Variants in TMF1 observed in about 807,000 individuals in gnomAD.
The protein encoded by TMF1 is TATA element modulatory factor.
A neutral mutation model predicts 126.5 loss-of-function variants in TMF1; 71 were observed. That is an observed-to-expected ratio of 0.56 (90% confidence interval 0.46 to 0.68). TMF1 has a LOEUF of 0.68. TMF1 is among the 30% of genes least tolerant of loss of function. TMF1 has a pLI of 0.00. For synonymous variants in TMF1, 461 were observed against 430.5 expected, an observed-to-expected ratio of 1.07 and a Z score of -0.88; for missense variants, 1,259 against 1,253.2, an observed-to-expected ratio of 1.00 and a Z score of -0.07.
intron 8 of TMF1, 98 bp from the exon 9 acceptor site, chr3:69,035,213 G>T: frequency 1.0e-6 from 1 of 982,226 alleles, no homozygotes; most frequent in Non-Finnish European, 1.6e-6. Context: ...CATTGTTCAT[G>T]TATACTATTT....
At chr3:69,043,239 G>A (rs749231601) in intron 4 of TMF1, among the ~76,000 whole-genome samples, 1 of 151,932 alleles carries the variant, frequency 6.6e-6, no homozygotes, top group African/African-American at 2.4e-5. Context: ...GTACAATGAC[G>A]ACTCACCACA....
rs1201669480 is a variant in TMF1 at position 69,051,973 on chromosome 3, C to G, written c.114G>C (p.Trp38Cys). Reference protein sequence around the residue: ...LDIQEEEPSIWAETIPYGEPG... With the variant: ...LDIQEEEPSICAETIPYGEPG... ...GCTCTCCATACGGAATGGTCTCGGCCCAGATGCTCGGCTCCTCTTCCTGGA... is the reference window on the plus strand; with the variant it reads ...GCTCTCCATACGGAATGGTCTCGGCGCAGATGCTCGGCTCCTCTTCCTGGA... The change falls in exon 1 of 17, where the codon TGG becomes TGC. Residue 38 changes from tryptophan to cysteine, a missense_variant. Transcript: ENST00000398559. 1 of 1,613,982 alleles carries G rather than the reference C, an allele frequency of 6.2e-7. No homozygotes were observed. Among genetic ancestry groups the G allele is most frequent in the Admixed American group, 1.7e-5 (1 of 60,008 alleles).
chr3:69,027,180 G>A (rs1033103538), intron 13 of TMF1, among the ~76,000 whole-genome samples: 8 of 152,030 alleles, frequency 5.3e-5, no homozygotes, highest in Non-Finnish European at 1.0e-4. Context: ...ATTTTTAGTA[G>A]AGATGGGGTT....
In TMF1 at chr3:69,048,395, T is replaced by A; in HGVS notation, c.310A>T (p.Thr104Ser). The A allele has an allele frequency of 6.2e-7, 1 of 1,614,146 alleles. No individual in the cohort carries two copies. The highest frequency in any genetic ancestry group is 1.7e-5 in the Admixed American group (1 of 60,012). The change falls in exon 2 of 17, where the codon ACT becomes TCT. Residue 104 changes from threonine (T) to serine (S), a missense_variant. Physicochemically the swap from Thr to Ser is moderately conservative, Grantham distance 58 (BLOSUM62 1). Coordinates refer to ENST00000398559, the MANE Select transcript of TMF1 (RefSeq NM_007114.3). ...CTCTTCTGAATGGTCTGGACATCAG[T>A]TGGCGAGAGAAAGGCACTGAAGAAA... ...ENFFSAFLSP[T>S]DVQTIQKSPV... is the part of the protein sequence containing the mutation.
At chr3:69,027,278 G>A (rs1446093562) in intron 13 of TMF1, among the ~76,000 whole-genome samples, 2 of 152,082 alleles carry the variant, frequency 1.3e-5, no homozygotes, top group African/African-American at 4.8e-5. Context: ...TTACAGATGT[G>A]AGTCCCCATG....
In TMF1 at chr3:69,048,060, C is replaced by A; in HGVS notation, c.645G>T (p.Thr215=). 1.9e-6 allele frequency: 3 copies of A among 1,614,042 alleles called. No individual in the cohort carries two copies. Among genetic ancestry groups the A allele is most frequent in the Non-Finnish European group, 2.5e-6 (3 of 1,180,034 alleles). ...CCTTTGTTTCTGCTGTGAGAGACTG[C>A]GTAGACGTATTAGATATACTTTCCA... The part of the protein sequence containing the change: ...TTMESISNTS[T]QSLTAETKDI... The change falls in exon 2 of 17, where the codon ACG becomes ACT. Residue 215 remains threonine, a synonymous_variant. Coordinates refer to ENST00000398559, the MANE Select transcript of TMF1 (RefSeq NM_007114.3).
In TMF1 at chr3:69,039,519, T is replaced by C. The variant is rs746592428; in HGVS notation, c.1827+32A>G. The C allele has an allele frequency of 3.8e-6, 6 of 1,598,816 alleles. No individual in the cohort carries two copies. In the East Asian group the frequency reaches 6.7e-5, roughly 18 times the overall value. On this transcript the variant is annotated intron_variant, in intron 6 of 16. Transcript: ENST00000398559. ...CTGTTCATACAGGAAGTAATAACAATATATATGTAGAGAATTATGATTGCT... is the reference window on the plus strand; with the variant it reads ...CTGTTCATACAGGAAGTAATAACAACATATATGTAGAGAATTATGATTGCT...
rs752787057 is a variant in TMF1 at position 69,042,500 on chromosome 3, T to A, written c.1684+307A>T. The A allele has an allele frequency of 1.2e-5, 6 of 510,850 alleles. No individual in the cohort carries two copies. In the Middle Eastern group the frequency reaches 1.2e-3, roughly 103 times the overall value. The allele number at this position is 510,850 out of a possible 1,614,324, so 31.6% of individuals were successfully genotyped here. The stretch of plus-strand genomic sequence containing the variant: ...AAATCCCAGAGTTACACACTTTGAA[T>A]GTCTTGGTTTAAATGACAGGCTCTT... On this transcript the variant is annotated intron_variant, in intron 5 of 16. Coordinates refer to ENST00000398559, the MANE Select transcript of TMF1 (RefSeq NM_007114.3).
rs1281670068 is a variant in TMF1 at position 69,047,789 on chromosome 3, G to T, written c.916C>A (p.Arg306Ser). 3.1e-6 allele frequency: 5 copies of T among 1,613,882 alleles called. No individual in the cohort carries two copies. In the Admixed American group the frequency reaches 6.7e-5, roughly 22 times the overall value. The change falls in exon 2 of 17, where the codon CGT becomes AGT. Residue 306 changes from arginine (R) to serine (S), a missense_variant. Physicochemically the swap from Arg to Ser is moderately radical, Grantham distance 110 (BLOSUM62 -1). Coordinates refer to ENST00000398559, the MANE Select transcript of TMF1 (RefSeq NM_007114.3). ...LSASACPEYN[R>S]LDDFQKLTES... is the part of the protein sequence containing the mutation. ...GTGAGTTTTTGGAAATCATCTAAAC[G>T]ATTATATTCAGGACAAGCAGATGCA...
At chr3:69,050,770 C>A (rs1375558985) in intron 1 of TMF1, among the ~76,000 whole-genome samples, 1 of 152,100 alleles carries the variant, frequency 6.6e-6, no homozygotes, top group African/African-American at 2.4e-5. Context: ...AATTTAGGTC[C>A]TGACTTTTCA....
intron 6 of TMF1, 138 bp downstream of exon 6, chr3:69,039,413 T>C (rs2091851056): frequency 1.0e-6 from 1 of 1,004,998 alleles, no homozygotes; most frequent in African/African-American, 1.7e-5. Context: ...AAAAATCTTA[T>C]CATTTATCTA....
Position 69,052,227 on chromosome 3 carries a change from C to A in TMF1, c.-141G>T. ...CGTGTGGCCATTACCCCGACAGCCTCCCGCGAGCCCGGGATGTTACCCTCG... is the reference window on the plus strand; with the variant it reads ...CGTGTGGCCATTACCCCGACAGCCTACCGCGAGCCCGGGATGTTACCCTCG... On this transcript the variant is annotated 5_prime_UTR_variant, in exon 1 of 17. An upstream open reading frame in the 5' UTR gains an earlier in-frame stop. Coordinates refer to ENST00000398559, the MANE Select transcript of TMF1 (RefSeq NM_007114.3). The A allele has an allele frequency of 1.1e-6, 1 of 920,724 alleles. No individual in the cohort carries two copies. The highest frequency in any genetic ancestry group is 1.6e-6 in the Non-Finnish European group (1 of 643,688). The allele number at this position is 920,724 out of a possible 1,614,324, so 57.0% of individuals were successfully genotyped here. A position where few individuals can be genotyped will look rare whatever the true frequency, so the allele number is the denominator to read the frequency against.
chr3:69,051,321 A>G (rs759334888), intron 1 of TMF1, among the ~76,000 whole-genome samples: 5 of 152,060 alleles, frequency 3.3e-5, no homozygotes, highest in Non-Finnish European at 7.4e-5. Context: ...CTAAAAATAC[A>G]AAAAGTTGCC....
intron 7 of TMF1, 33 bp from the exon 8 acceptor site, chr3:69,038,753 C>T (rs1458889391): frequency 1.9e-6 from 3 of 1,597,100 alleles, no homozygotes; most frequent in Non-Finnish European, 2.6e-6. Context: ...ATAAATGTTG[C>T]CAGTGATCAG....
chr3:69,041,041 A>G (rs2091861576), intron 5 of TMF1, among the ~76,000 whole-genome samples: 1 of 152,162 alleles, frequency 6.6e-6, no homozygotes, highest in Non-Finnish European at 1.5e-5. Flanking sequence ...TTTTCTCTGT[A>G]AAAAGGTTCA....
chr3:69,026,034 C>T lies in TMF1; in HGVS notation c.2821G>A (p.Val941Ile). 6.2e-7 allele frequency: 1 copy of T among 1,614,052 alleles called. No homozygotes were observed. The highest frequency in any genetic ancestry group is 8.5e-7 in the Non-Finnish European group (1 of 1,179,978). The change falls in exon 14 of 17, where the codon GTT (valine) becomes ATT (isoleucine). Residue 941 changes from valine to isoleucine, a missense_variant. By Grantham distance (29) the Val-to-Ile change is conservative (BLOSUM62 3). Transcript: ENST00000398559. ...TMSRSSSISGVDMAGLQTSFL... is the reference protein window; with the variant it reads ...TMSRSSSISGIDMAGLQTSFL... ...GATGTCTGTAGTCCTGCCATATCAA[C>T]ACCACTTATTGAACTTGAGCGTGAC...
chr3:69,051,882 C>T (rs758470723), intron 1 of TMF1, 63 bp downstream of exon 1: 48 of 1,580,602 alleles, frequency 3.0e-5, no homozygotes, highest in Non-Finnish European at 3.9e-5. Context: ...CACCACTTAA[C>T]CTGCCTGCAT....
intron 1 of TMF1, among the ~76,000 whole-genome samples, chr3:69,051,406 C>A (rs1441549431): frequency 2.0e-5 from 3 of 152,062 alleles, no homozygotes; most frequent in Non-Finnish European, 4.4e-5. Context: ...ACCTGGGAGG[C>A]GGAGGTTGCA....
Position 69,020,638 on chromosome 3 carries a change from T to G in TMF1, c.*2539A>C, listed in dbSNP as rs1241150384. The G allele has an allele frequency of 6.6e-6, 1 of 152,178 alleles. No homozygotes were observed. The highest frequency in any genetic ancestry group is 1.5e-5 in the Non-Finnish European group (1 of 68,004). 9.4% of individuals were successfully genotyped at this position (152,178 alleles called of 1,614,324 possible). A position where few individuals can be genotyped will look rare whatever the true frequency, so the allele number is the denominator to read the frequency against. ...ATAGCAACGAATATTCAATAGGTAT[T>G]CTGCCACCTACTGGAGTTTTTCAAG... On this transcript the variant is annotated 3_prime_UTR_variant, in exon 17 of 17. Coordinates refer to ENST00000398559, the MANE Select transcript of TMF1 (RefSeq NM_007114.3).
Sources: gnomAD v4.1 joint callset for allele counts (sites outside exome capture counted in the v4.1 genomes callset) on GRCh38, gnomAD v4.1.1 for gene constraint, MANE v1.5 for transcripts, NCBI Gene and HGNC (gene_info 2026-07-23, HGNC 2026-07-21) for gene names.